Variants in FARS2 observed in about 807,000 individuals in gnomAD.
FARS2 encodes phenylalanine--tRNA ligase, mitochondrial.
A neutral mutation model predicts 46.4 loss-of-function variants in FARS2; 40 were observed. That is an observed-to-expected ratio of 0.86 (90% CI 0.67 to 1.12). The LOEUF is 1.12. Ranked by LOEUF, FARS2 falls within the 50% of genes most tolerant of loss-of-function variation. The pLI is 0.00. For synonymous variants in FARS2, 234 were observed against 214.9 expected (o/e 1.09, Z -0.78); for missense variants, 513 against 567.9 (o/e 0.90, Z 0.98).
At chr6:5,604,220 G>A (rs747913116) in intron 5 of FARS2, among the ~76,000 whole-genome samples, 2 of 152,166 alleles carry the variant, frequency 1.3e-5, no homozygotes, top group Middle Eastern at 3.2e-3. Flanking sequence ...TGACAGAGCC[G>A]TTCCTCTGTC....
At chr6:5,369,702 GTTGCTGTGAGATGTCTTAA>G (rs1182142803) in intron 2 of FARS2, among the ~76,000 whole-genome samples, 3 of 152,166 alleles carry the variant, frequency 2.0e-5, no homozygotes, top group Admixed American at 6.5e-5. Context: ...GGCTTTGCAT[GTTGCTGTGAGATGTCTTAA>G]TTGCTGTGGG....
chr6:5,625,153 T>A (rs144716876), intron 6 of FARS2, among the ~76,000 whole-genome samples: 2 of 152,302 alleles, frequency 1.3e-5, no homozygotes, highest in East Asian at 3.9e-4. Context: ...TGACTGTAGA[T>A]CTTGGAGTTA....
intron 6 of FARS2, among the ~76,000 whole-genome samples, chr6:5,733,021 G>A (rs1169986799): frequency 6.6e-6 from 1 of 152,094 alleles, no homozygotes; most frequent in Admixed American, 6.6e-5. Context: ...ACCACCAATG[G>A]CCAGACAGGT....
At chr6:5,537,585 T>C (rs1174357572) in intron 4 of FARS2, among the ~76,000 whole-genome samples, 1 of 143,144 alleles carries the variant, frequency 7.0e-6, no homozygotes, top group Non-Finnish European at 1.5e-5. Flanking sequence ...GAGTTGGAGA[T>C]GTCCCGGGCT....
chr6:5,250,609 T>C, the FARS2 span, among the ~76,000 whole-genome samples: 1 of 152,332 alleles, frequency 6.6e-6, no homozygotes, highest in South Asian at 2.1e-4. Flanking sequence ...TAGGCACACA[T>C]GAATCACCTC....
At chr6:5,745,227 G>A (rs1761569444) in intron 6 of FARS2, among the ~76,000 whole-genome samples, 1 of 152,220 alleles carries the variant, frequency 6.6e-6, no homozygotes. Context: ...TGATTTCTTG[G>A]AAATCCAAAG....
chr6:5,255,225 A>G, the FARS2 span, among the ~76,000 whole-genome samples: 1 of 152,166 alleles, frequency 6.6e-6, no homozygotes, highest in Non-Finnish European at 1.5e-5. Context: ...CACCAGGAAA[A>G]CTATTTTCAT....
At chr6:5,659,536 T>C (rs1413040595) in intron 6 of FARS2, among the ~76,000 whole-genome samples, 2 of 152,224 alleles carry the variant, frequency 1.3e-5, no homozygotes, top group African/African-American at 4.8e-5. Flanking sequence ...TTTCAGCTTC[T>C]TATCCATCCA....
chr6:5,640,388 G>A (rs2150738160), intron 6 of FARS2, among the ~76,000 whole-genome samples: 1 of 152,304 alleles, frequency 6.6e-6, no homozygotes, highest in South Asian at 2.1e-4. Context: ...TCATATCACG[G>A]CAAACACGGA....
chr6:5,476,523 A>C (rs1423873459), intron 4 of FARS2, among the ~76,000 whole-genome samples: 8 of 146,852 alleles, frequency 5.4e-5, no homozygotes, highest in Admixed American at 2.0e-4. Context: ...TGACCAATAA[A>C]TAGTTATTGG....
rs1308465793 is a variant in FARS2, at chr6:5,764,307, C to A, written c.1218-6984C>A. Among the ~76,000 whole-genome samples, 3 of 152,132 alleles carry A rather than the reference C, an allele frequency of 2.0e-5. No individual in the cohort carries two copies. Among genetic ancestry groups the A allele is most frequent in the South Asian group, 2.1e-4 (1 of 4,826 alleles). On this transcript the variant is annotated intron_variant, in intron 6 of 6. Transcript: ENST00000274680. This position sits in a 1 kb window ranked among gnomAD's most constrained non-coding sequence, Gnocchi z 4.1. ...AAGTCTGGTTCTCCACTCCACCATG[C>A]CCATTCACTTCTATATTTTCAGGAG...
At chr6:5,692,172 C>G (rs1232287836) in intron 6 of FARS2, among the ~76,000 whole-genome samples, 2 of 152,236 alleles carry the variant, frequency 1.3e-5, no homozygotes, top group African/African-American at 4.8e-5. Flanking sequence ...TCGGCTCATG[C>G]TCGGTGCGCT....
intron 4 of FARS2, among the ~76,000 whole-genome samples, chr6:5,467,694 G>T (rs1356935452): frequency 6.6e-6 from 1 of 152,104 alleles, no homozygotes; most frequent in Non-Finnish European, 1.5e-5. Flanking sequence ...ATAGTCATAA[G>T]TTTTATTATC....
chr6:5,591,866 T>C (rs1254014948), intron 5 of FARS2, among the ~76,000 whole-genome samples: 1 of 152,232 alleles, frequency 6.6e-6, no homozygotes, highest in Admixed American at 6.5e-5. Flanking sequence ...AACCCATACT[T>C]ACTTCCCCAT....
intron 4 of FARS2, among the ~76,000 whole-genome samples, chr6:5,436,081 A>G (rs1031538816): frequency 2.6e-5 from 4 of 152,318 alleles, no homozygotes; most frequent in South Asian, 2.1e-4. Context: ...AAATGATTAC[A>G]GTACCATGTG....
Position 5,761,660 on chromosome 6 carries a change from G to A in FARS2, c.1218-9631G>A, listed in dbSNP as rs573978596. ...TCTCTTCCAAATTTTCCACACAAACGAAAAGCACAGGGCTTTGGAAATATG... is the reference window on the plus strand; with the variant it reads ...TCTCTTCCAAATTTTCCACACAAACAAAAAGCACAGGGCTTTGGAAATATG... On this transcript the variant is annotated intron_variant, in intron 6 of 6. Transcript: ENST00000274680. Among the ~76,000 whole-genome samples the A allele has an allele frequency of 2.6e-5, 4 of 152,224 alleles. No homozygotes were observed. In the East Asian group the frequency reaches 5.8e-4, roughly 22 times the overall value.
intron 6 of FARS2, among the ~76,000 whole-genome samples, chr6:5,722,810 A>AC (rs1173822528): frequency 6.6e-6 from 1 of 151,888 alleles, no homozygotes; most frequent in Non-Finnish European, 1.5e-5. Context: ...CCCCACTTCC[A>AC]CCTCCATTCT....
At chr6:5,558,691 C>T (rs2150530625) in intron 5 of FARS2, among the ~76,000 whole-genome samples, 1 of 152,074 alleles carries the variant, frequency 6.6e-6, no homozygotes. Context: ...CACCCGCCAC[C>T]ACACCCAGCT....
At chr6:5,293,276 G>A (rs1767627979) in intron 1 of FARS2, among the ~76,000 whole-genome samples, 1 of 152,146 alleles carries the variant, frequency 6.6e-6, no homozygotes, top group African/African-American at 2.4e-5. Context: ...TCAAGAGAGG[G>A]GATGCTTTTT....
Sources: allele counts gnomAD v4.1 joint callset (sites outside exome capture counted in the v4.1 genomes callset), GRCh38; gene constraint gnomAD v4.1.1; non-coding constraint Gnocchi (gnomAD v3.1); transcripts MANE v1.5; gene names NCBI Gene and HGNC (gene_info 2026-07-23, HGNC 2026-07-21).